Variants in CACNA2D3 observed in about 807,000 individuals in gnomAD.
CACNA2D3 encodes voltage-dependent calcium channel subunit alpha-2/delta-3.
A neutral mutation model predicts 160.6 loss-of-function variants in CACNA2D3; 60 were observed. The ratio of observed to expected loss-of-function variants is 0.37; its 90% confidence interval spans 0.30 to 0.46. The LOEUF is 0.46. Ranked by LOEUF, CACNA2D3 falls within the 20% of genes least tolerant of loss-of-function variation. CACNA2D3 has a pLI of 1.00. For synonymous variants in CACNA2D3, 558 were observed against 492.9 expected (o/e 1.13, Z -1.75); for missense variants, 1,205 against 1,365.0 (o/e 0.88, Z 1.85).
chr3:54,125,804 A>G (rs1051669524), intron 2 of CACNA2D3, among the ~76,000 whole-genome samples: 11 of 152,180 alleles, frequency 7.2e-5, no homozygotes, highest in African/African-American at 2.7e-4. Flanking sequence ...AGTGTAGGAG[A>G]CATAACATCA....
At chr3:54,716,318 A>G (rs1050742108) in intron 11 of CACNA2D3, among the ~76,000 whole-genome samples, 3 of 152,162 alleles carry the variant, frequency 2.0e-5, no homozygotes, top group Non-Finnish European at 2.9e-5. Context: ...CACAGGCCAC[A>G]GTAGTATGTG....
At chr3:54,518,540 G>A (rs879418255) in intron 5 of CACNA2D3, among the ~76,000 whole-genome samples, 3 of 152,188 alleles carry the variant, frequency 2.0e-5, no homozygotes, top group Admixed American at 2.0e-4. Context: ...ACCAGCTGTA[G>A]GCTCCTCTTG....
chr3:54,477,811 G>T (rs1450121604), intron 4 of CACNA2D3, among the ~76,000 whole-genome samples: 1 of 152,062 alleles, frequency 6.6e-6, no homozygotes, highest in Admixed American at 6.6e-5. Flanking sequence ...AAACTCCTTG[G>T]TGGATCCTCA....
intron 21 of CACNA2D3, among the ~76,000 whole-genome samples, chr3:54,884,481 T>C (rs2694111): frequency 0.5 from 76,673 of 152,086 alleles, 20,340 homozygotes; most frequent in East Asian, 0.81. Flanking sequence ...AGTAAGATAC[T>C]ATCAGTCATT....
At chr3:54,259,436 A>AG (rs913334604) in intron 2 of CACNA2D3, among the ~76,000 whole-genome samples, 1 of 152,234 alleles carries the variant, frequency 6.6e-6, no homozygotes. Flanking sequence ...CAGATTTAAT[A>AG]GAAAAAAAAA....
At chr3:54,663,923 G>A (rs1357946884) in intron 11 of CACNA2D3, among the ~76,000 whole-genome samples, 1 of 152,162 alleles carries the variant, frequency 6.6e-6, no homozygotes, top group Non-Finnish European at 1.5e-5. Context: ...CCTGTCCTTG[G>A]TTCATCTCCA....
intron 2 of CACNA2D3, among the ~76,000 whole-genome samples, chr3:54,207,744 A>G: frequency 6.6e-6 from 1 of 152,082 alleles, no homozygotes; most frequent in Non-Finnish European, 1.5e-5. Context: ...GAGGGTGCTT[A>G]TGGCAGGAGG....
chr3:54,836,805 T>A (rs1698701014), intron 14 of CACNA2D3, among the ~76,000 whole-genome samples: 1 of 152,118 alleles, frequency 6.6e-6, no homozygotes, highest in African/African-American at 2.4e-5. Flanking sequence ...AGAAGCACTC[T>A]TAAGAAACAT....
At chr3:54,918,423 G>A (rs987775860) in intron 27 of CACNA2D3, 1 of 1,575,098 alleles carries the variant, frequency 6.3e-7, no homozygotes, top group Non-Finnish European at 8.6e-7. Flanking sequence ...CTATCTTCTG[G>A]CCTGCAATGA....
chr3:54,387,658 ATAAGTAAG>A (rs3028847), intron 4 of CACNA2D3, among the ~76,000 whole-genome samples: 50 of 151,268 alleles, frequency 3.3e-4, no homozygotes, highest in African/African-American at 1.0e-3. Flanking sequence ...TCTCAAATAA[ATAAGTAAG>A]TAAGTAAGTA....
rs928973070 is a variant in CACNA2D3 at position 54,132,614 on chromosome 3, C to T, written c.204+9020C>T. On this transcript the variant is annotated intron_variant, in intron 2 of 37. Transcript: ENST00000474759. Reference sequence around the variant, plus strand: ...ATAGCTGGATTTTCTACTTGAACAGCGAGGTTTTCAGTTTTTTTGCTTGAA... The same window carrying T: ...ATAGCTGGATTTTCTACTTGAACAGTGAGGTTTTCAGTTTTTTTGCTTGAA... Among the ~76,000 whole-genome samples, 11 of 152,056 alleles carry T rather than the reference C, an allele frequency of 7.2e-5. No homozygotes were observed. In the East Asian group the frequency reaches 7.7e-4, roughly 11 times the overall value.
intron 3 of CACNA2D3, among the ~76,000 whole-genome samples, chr3:54,345,089 G>A (rs1367167945): frequency 6.6e-6 from 1 of 152,194 alleles, no homozygotes; most frequent in African/African-American, 2.4e-5. Context: ...TTAGTGTATT[G>A]TCAAGAAATA....
At chr3:54,335,874 C>A (rs941474173) in intron 3 of CACNA2D3, among the ~76,000 whole-genome samples, 28 of 151,780 alleles carry the variant, frequency 1.8e-4, no homozygotes, top group Non-Finnish European at 2.2e-4. Context: ...TGTGGTGGTG[C>A]ATGTTTGTAG....
chr3:54,229,227 T>C (rs1701726433), intron 2 of CACNA2D3, among the ~76,000 whole-genome samples: 1 of 152,076 alleles, frequency 6.6e-6, no homozygotes, highest in Non-Finnish European at 1.5e-5. Context: ...AGTCTCGCTC[T>C]GTCGCCCAGG....
chr3:54,127,494 T>TA (rs1417459224), intron 2 of CACNA2D3, among the ~76,000 whole-genome samples: 2 of 152,210 alleles, frequency 1.3e-5, no homozygotes, highest in Non-Finnish European at 2.9e-5. Flanking sequence ...TGTATTCACT[T>TA]ATCAGGAATT....
At chr3:54,741,319 G>T (rs1168854585) in intron 11 of CACNA2D3, among the ~76,000 whole-genome samples, 1 of 152,156 alleles carries the variant, frequency 6.6e-6, no homozygotes, top group East Asian at 1.9e-4. Context: ...TCTCCTCTTA[G>T]AAGACCTCTC....
At chr3:54,675,751 T>G (rs116986577) in intron 11 of CACNA2D3, among the ~76,000 whole-genome samples, 1 of 152,132 alleles carries the variant, frequency 6.6e-6, no homozygotes, top group Non-Finnish European at 1.5e-5. Context: ...CAAAGAAGTT[T>G]CGGAGATACT....
intron 5 of CACNA2D3, among the ~76,000 whole-genome samples, chr3:54,527,470 G>A (rs752036566): frequency 1.3e-5 from 2 of 152,120 alleles, no homozygotes; most frequent in East Asian, 1.9e-4. Flanking sequence ...TACTTAGCTC[G>A]GTGGAAGGGG....
At chr3:54,660,895 G>C (rs1007966856) in intron 11 of CACNA2D3, among the ~76,000 whole-genome samples, 5 of 152,138 alleles carry the variant, frequency 3.3e-5, no homozygotes, top group African/African-American at 1.2e-4. Context: ...GTTCTATTCT[G>C]CTCACTCCTC....
Sources: allele counts gnomAD v4.1 joint callset (sites outside exome capture counted in the v4.1 genomes callset), GRCh38; gene constraint gnomAD v4.1.1; transcripts MANE v1.5; gene names NCBI Gene and HGNC (gene_info 2026-07-23, HGNC 2026-07-21).